CDH13: variants seen among roughly 807,000 people sequenced by gnomAD.
CDH13 encodes cadherin-13.
CDH13 carries 24 observed loss-of-function variants against 63.8 expected under a neutral mutation model. The ratio of observed to expected loss-of-function variants is 0.38; its 90% CI spans 0.27 to 0.53. CDH13 has a LOEUF of 0.53. Among genes scored for constraint, CDH13 ranks in the 20% least tolerant of loss-of-function variants. The pLI is 0.85. For synonymous variants in CDH13, 503 were observed against 355.3 expected, an observed-to-expected ratio of 1.42 and a Z score of -4.67; for missense variants, 1,049 against 903.1, an observed-to-expected ratio of 1.16 and a Z score of -2.07.
chr16:83,478,068 A>G (rs769387580), intron 6 of CDH13, among the ~76,000 whole-genome samples: 1 of 151,772 alleles, frequency 6.6e-6, no homozygotes, highest in South Asian at 2.1e-4. Flanking sequence ...CTTGAGGCAG[A>G]AGAATGGCAT....
intron 13 of CDH13, among the ~76,000 whole-genome samples, chr16:83,791,955 G>T (rs763092844): frequency 2.6e-5 from 4 of 152,148 alleles, no homozygotes; most frequent in Non-Finnish European, 5.9e-5. Flanking sequence ...TAAGTGTACA[G>T]AATTTTATAC....
intron 10 of CDH13, among the ~76,000 whole-genome samples, chr16:83,747,382 T>G (rs535747770): frequency 1.3e-4 from 20 of 152,244 alleles, no homozygotes; most frequent in African/African-American, 4.8e-4. Context: ...CCATTTTGCT[T>G]GGTTTCACTC....
rs1331118346 is a variant in CDH13, at chr16:82,650,412, C to A, written c.45+23275C>A. ...CAGAAAGCTCCATCAACTCAGTGCC[C>A]TTTCTCTATTCCAGAAAGTCTTATG... On this transcript the variant is annotated intron_variant, in intron 1 of 13. Transcript: ENST00000567109. 3.3e-5 allele frequency among the ~76,000 whole-genome samples: 5 copies of A among 152,142 alleles called. No individual in the cohort carries two copies. The East Asian group carries it at 9.6e-4, about 29-fold the overall frequency.
intron 8 of CDH13, among the ~76,000 whole-genome samples, chr16:83,612,190 A>T (rs1415237078): frequency 1.3e-5 from 2 of 152,040 alleles, no homozygotes; most frequent in African/African-American, 4.8e-5. Context: ...AGGCTGTCTT[A>T]TTAGATGTAT....
Position 83,120,772 on chromosome 16 carries a change from TTTTTTTTC to T in CDH13, c.367-4611_367-4604del, listed in dbSNP as rs1164495707. Among the ~76,000 whole-genome samples the T allele has an allele frequency of 3.9e-4, 14 of 35,812 alleles. 1 individual carries two copies. Among genetic ancestry groups the T allele is most frequent in the African/African-American group, 7.6e-4 (13 of 17,100 alleles). 23.5% of individuals were successfully genotyped at this position (35,812 alleles called of 152,430 possible). A position where few individuals can be genotyped will look rare whatever the true frequency, so the allele number is the denominator to read the frequency against. On this transcript the variant is annotated intron_variant, in intron 3 of 13. Transcript: ENST00000567109. ...CGCTCTAATTTTCTTTCTTTTTTTT[TTTTTTTTC>T]TGAGATGGAGTCTCACCGTGTCACC...
At chr16:83,067,479 T>C (rs1052785653) in intron 3 of CDH13, among the ~76,000 whole-genome samples, 1 of 152,158 alleles carries the variant, frequency 6.6e-6, no homozygotes, top group African/African-American at 2.4e-5. Context: ...TGAGACATGA[T>C]TGTGCTCAAG....
intron 5 of CDH13, among the ~76,000 whole-genome samples, chr16:83,326,918 A>G (rs1257176624): frequency 6.6e-6 from 1 of 152,188 alleles, no homozygotes; most frequent in Non-Finnish European, 1.5e-5. Context: ...AAAATGGTGC[A>G]ATATGTGTTA....
chr16:83,682,832 C>T (rs568097599), intron 10 of CDH13, among the ~76,000 whole-genome samples: 5 of 152,286 alleles, frequency 3.3e-5, no homozygotes, highest in African/African-American at 9.6e-5. Context: ...AGACCGGGAC[C>T]CTGAGATCCT....
chr16:82,918,209 A>G (rs2042051008), intron 2 of CDH13, among the ~76,000 whole-genome samples: 1 of 152,168 alleles, frequency 6.6e-6, no homozygotes. Context: ...GGACAAATAT[A>G]AATAGGAGAA....
intron 2 of CDH13, among the ~76,000 whole-genome samples, chr16:83,000,812 C>G (rs1270716144): frequency 6.6e-6 from 1 of 152,078 alleles, no homozygotes; most frequent in African/African-American, 2.4e-5. Flanking sequence ...ATCTCCTGCC[C>G]GCATGATCCG....
At chr16:83,325,461 G>A (rs2090338989) in intron 5 of CDH13, among the ~76,000 whole-genome samples, 1 of 152,076 alleles carries the variant, frequency 6.6e-6, no homozygotes, top group Admixed American at 6.5e-5. Flanking sequence ...TCTGTAAAAG[G>A]CCAGATAACA....
intron 2 of CDH13, among the ~76,000 whole-genome samples, chr16:83,031,411 T>C (rs74212017): frequency 0.039 from 5,214 of 134,106 alleles, 229 homozygotes; most frequent in East Asian, 0.07. Flanking sequence ...CATGTATATG[T>C]ATACACGTAT....
chr16:83,122,136 A>T (rs1398101340), intron 3 of CDH13, among the ~76,000 whole-genome samples: 1 of 152,216 alleles, frequency 6.6e-6, no homozygotes, highest in Non-Finnish European at 1.5e-5. Context: ...ATTAAATAAG[A>T]TCAGTTTGCA....
chr16:83,285,543 T>TA (rs777326458), intron 5 of CDH13, among the ~76,000 whole-genome samples: 43 of 152,108 alleles, frequency 2.8e-4, no homozygotes, highest in African/African-American at 1.0e-3. Flanking sequence ...ACCATAACCA[T>TA]AAAAAAAGCA....
chr16:83,568,199 A>C (rs1311281880), intron 7 of CDH13, among the ~76,000 whole-genome samples: 6 of 152,224 alleles, frequency 3.9e-5, no homozygotes, highest in Non-Finnish European at 8.8e-5. Flanking sequence ...AGGAAAAAAA[A>C]AAGCTGATCT....
At chr16:83,157,840 G>A (rs565783379) in intron 4 of CDH13, among the ~76,000 whole-genome samples, 1 of 151,858 alleles carries the variant, frequency 6.6e-6, no homozygotes, top group African/African-American at 2.4e-5. Flanking sequence ...TTGAACCTGG[G>A]AGGCAGAGGT....
chr16:83,681,670 T>A (rs577023449), intron 10 of CDH13, among the ~76,000 whole-genome samples: 1 of 152,160 alleles, frequency 6.6e-6, no homozygotes, highest in Non-Finnish European at 1.5e-5. Context: ...CAGGTTGAGC[T>A]ATTGTCATGG....
chr16:83,031,801 G>A (rs1469128061), intron 2 of CDH13, among the ~76,000 whole-genome samples: 1 of 152,146 alleles, frequency 6.6e-6, no homozygotes, highest in East Asian at 1.9e-4. Flanking sequence ...TGGAACATGC[G>A]AGTTCGTCAA....
intron 3 of CDH13, among the ~76,000 whole-genome samples, chr16:83,102,930 CTTTTTTTTTTTCTTTTTCTTTTTTTTTT>C (rs2034563047): frequency 1.0e-5 from 1 of 96,934 alleles, no homozygotes; most frequent in Non-Finnish European, 1.9e-5. Flanking sequence ...TTTTCTTTTT[CTTTTTTTTTTTCTTTTTCTTTTTTTTTT>C]TTTTTTTTTT....
Sources: allele counts gnomAD v4.1 joint callset (sites outside exome capture counted in the v4.1 genomes callset), GRCh38; gene constraint gnomAD v4.1.1; transcripts MANE v1.5; gene names NCBI Gene and HGNC (gene_info 2026-07-23, HGNC 2026-07-21).